The following TRPC5 variants were observed in gnomAD, a reference collection of about 807,000 sequenced individuals.
TRPC5 encodes short transient receptor potential channel 5.
Under a neutral mutation model 56.5 loss-of-function variants are expected in TRPC5, and 9 were observed. The observed-to-expected ratio is 0.16, with a 90% CI of 0.10 to 0.28. TRPC5 has a LOEUF of 0.28. TRPC5 is among the 10% of genes least tolerant of loss of function. TRPC5 has a pLI of 1.00. For missense variants in TRPC5, 469 were observed against 748.9 expected (o/e 0.63, Z 4.36); for synonymous variants, 282 against 278.5 (o/e 1.01, Z -0.13).
intron 7 of TRPC5, among the ~76,000 whole-genome samples, chrX:111,787,034 C>T (rs1352790344): frequency 9.1e-6 from 1 of 109,820 alleles, no homozygotes; most frequent in Non-Finnish European, 1.9e-5. Flanking sequence ...GGGACCTGAA[C>T]TCAGCTCTGA....
intron 3 of TRPC5, among the ~76,000 whole-genome samples, chrX:111,885,559 A>T (rs1413465901): frequency 1.8e-5 from 2 of 109,774 alleles, no homozygotes; most frequent in African/African-American, 6.6e-5. Context: ...TTTTTTTTTA[A>T]AAAAAGAAAA....
At chrX:111,988,961 A>C (rs1213179685) in intron 1 of TRPC5, among the ~76,000 whole-genome samples, 1 of 112,125 alleles carries the variant, frequency 8.9e-6, no homozygotes, top group Non-Finnish European at 1.9e-5. Flanking sequence ...TAATATGGAA[A>C]GTAGCATTAC....
intron 3 of TRPC5, 85 bp downstream of exon 3, chrX:111,912,206 G>T: frequency 9.5e-7 from 1 of 1,054,834 alleles, no homozygotes; most frequent in Non-Finnish European, 1.3e-6. Flanking sequence ...GGGGCTAAAT[G>T]GTAGAAAAAT....
At chrX:112,042,113 A>T (rs180948037) in intron 1 of TRPC5, among the ~76,000 whole-genome samples, 1 of 111,852 alleles carries the variant, frequency 8.9e-6, no homozygotes, top group Admixed American at 9.5e-5. Flanking sequence ...CTAATTCTCT[A>T]TGTGCAGCCT....
At chrX:111,872,081 T>C (rs1350779477) in intron 3 of TRPC5, among the ~76,000 whole-genome samples, 3 of 112,337 alleles carry the variant, frequency 2.7e-5, no homozygotes, top group Non-Finnish European at 5.6e-5. Context: ...ACAAATGCCC[T>C]CTCCAGAAAC....
intron 7 of TRPC5, among the ~76,000 whole-genome samples, chrX:111,828,640 C>T (rs1300383712): frequency 1.8e-5 from 2 of 111,165 alleles, no homozygotes; most frequent in Non-Finnish European, 3.8e-5. Context: ...TGGAACTGGG[C>T]AATGGGCAGA....
intron 1 of TRPC5, among the ~76,000 whole-genome samples, chrX:111,986,889 G>A (rs1329542561): frequency 9.0e-6 from 1 of 111,484 alleles, no homozygotes; most frequent in East Asian, 2.8e-4. Context: ...GGAGATAAAG[G>A]TCTCCTTCAG....
chrX:111,853,186 C>T (rs1186253886), intron 4 of TRPC5, among the ~76,000 whole-genome samples: 1 of 111,115 alleles, frequency 9.0e-6, no homozygotes, highest in African/African-American at 3.3e-5. Flanking sequence ...GTTTGGGGAC[C>T]ACAGTTTGAG....
intron 1 of TRPC5, among the ~76,000 whole-genome samples, chrX:112,023,142 G>A (rs1284579973): frequency 9.3e-6 from 1 of 107,566 alleles, no homozygotes; most frequent in Non-Finnish European, 1.9e-5. Flanking sequence ...CACCGTGTTA[G>A]CCAGGATGGA....
intron 1 of TRPC5, among the ~76,000 whole-genome samples, chrX:112,079,916 C>T (rs1008590504): frequency 1.8e-5 from 2 of 111,690 alleles, no homozygotes; most frequent in African/African-American, 3.3e-5. Context: ...ACTCACATCA[C>T]CAAGAACAGA....
At chrX:111,817,795 C>A (rs1162824567) in intron 7 of TRPC5, among the ~76,000 whole-genome samples, 1 of 111,364 alleles carries the variant, frequency 9.0e-6, no homozygotes, top group Non-Finnish European at 1.9e-5. Flanking sequence ...TCTTCTGACT[C>A]CTGCTTTCAT....
intron 1 of TRPC5, among the ~76,000 whole-genome samples, chrX:112,023,876 G>A (rs1297998168): frequency 9.0e-6 from 1 of 111,463 alleles, no homozygotes; most frequent in Non-Finnish European, 1.9e-5. Context: ...AAAATGCATG[G>A]TGAGATCAGC....
intron 7 of TRPC5, 45 bp downstream of exon 7, chrX:111,834,876 A>C: frequency 1.8e-6 from 2 of 1,082,385 alleles, no homozygotes; most frequent in East Asian, 6.2e-5. Context: ...ATGTTGCCCC[A>C]ACCTGAAACC....
rs1945860448 is a variant in TRPC5 at position 111,774,144 on chromosome X, CG to C, written c.*2168del. ...ATTTACACATATTATCTCTTTAGAA[CG>C]TAAGTGACAGAAGACTTTTGGAATA... On this transcript the variant is annotated 3_prime_UTR_variant, in exon 11 of 11. Transcript: ENST00000262839. Among the ~76,000 whole-genome samples the C allele has an allele frequency of 8.9e-6, 1 of 111,971 alleles. No individual in the cohort carries two copies. The highest frequency in any genetic ancestry group is 9.5e-5 in the Admixed American group (1 of 10,555).
rs918711740 is a variant in TRPC5, at chrX:111,855,705, G to A, written c.901-1599C>T. The stretch of plus-strand genomic sequence containing the variant: ...CCTTCCACGCATTCATACACAAAAA[G>A]ACAATATCCTATAGTCCCTTTCTAC... On this transcript the variant is annotated intron_variant, in intron 3 of 10. Transcript: ENST00000262839. Among the ~76,000 whole-genome samples the A allele has an allele frequency of 3.6e-5, 4 of 112,139 alleles. No homozygotes were observed. The Admixed American group carries it at 3.8e-4, about 11-fold the overall frequency.
At chrX:111,991,902 T>C (rs1196711073) in intron 1 of TRPC5, among the ~76,000 whole-genome samples, 1 of 111,999 alleles carries the variant, frequency 8.9e-6, no homozygotes, top group Non-Finnish European at 1.9e-5. Flanking sequence ...AATCTACATC[T>C]TTTGTTTCTG....
intron 1 of TRPC5, among the ~76,000 whole-genome samples, chrX:112,072,973 G>A: frequency 9.0e-6 from 1 of 111,639 alleles, no homozygotes. Flanking sequence ...AACAAAATAA[G>A]GTATATTTGA....
chrX:111,919,212 C>T (rs1300033594), intron 2 of TRPC5, among the ~76,000 whole-genome samples: 3 of 111,378 alleles, frequency 2.7e-5, no homozygotes, highest in Non-Finnish European at 5.6e-5. Flanking sequence ...TGTAAAAATG[C>T]ACCAATCGGA....
chrX:111,982,131 A>G (rs1305210359), intron 1 of TRPC5, among the ~76,000 whole-genome samples: 4 of 112,157 alleles, frequency 3.6e-5, no homozygotes, highest in African/African-American at 1.3e-4. Flanking sequence ...CCTTTCAGCC[A>G]TGCTTCTGTA....
Sources: allele counts gnomAD v4.1 joint callset (sites outside exome capture counted in the v4.1 genomes callset), GRCh38; gene constraint gnomAD v4.1.1; transcripts MANE v1.5; gene names NCBI Gene and HGNC (gene_info 2026-07-23, HGNC 2026-07-21).